SKIL: variants seen among roughly 807,000 people sequenced by gnomAD.
SKIL encodes SKI like proto-oncogene, also known as ski-like protein.
A neutral mutation model predicts 69.6 loss-of-function variants in SKIL; 20 were observed. The observed-to-expected ratio is 0.29, with a 90% confidence interval of 0.20 to 0.42. The LOEUF (loss-of-function observed/expected upper bound fraction) is 0.42, where lower values mean the gene tolerates loss of function less well. Ranked by LOEUF, SKIL falls within the 10% of genes least tolerant of loss-of-function variation. The pLI is 1.00. For missense variants in SKIL, 745 were observed against 783.1 expected, an observed-to-expected ratio of 0.95 and a Z score of 0.58; for synonymous variants, 310 against 279.9, an observed-to-expected ratio of 1.11 and a Z score of -1.08.
chr3:170,376,042 CTTTTTTTTTTTTTT>C (rs869036195), intron 2 of SKIL, among the ~76,000 whole-genome samples: 66 of 89,142 alleles, frequency 7.4e-4, no homozygotes, highest in African/African-American at 2.8e-3. Flanking sequence ...GCTGATTTTC[CTTTTTTTTTTTTTT>C]TTTTTTTTTG....
At chr3:170,363,201 G>T (rs1379366044) in intron 2 of SKIL, among the ~76,000 whole-genome samples, 1 of 152,080 alleles carries the variant, frequency 6.6e-6, no homozygotes. Flanking sequence ...CAGAAGAAAT[G>T]AATAAAGCAT....
chr3:170,358,722 G>A (rs1736066121), intron 1 of SKIL: 2 of 152,270 alleles, frequency 1.3e-5, no homozygotes, highest in Non-Finnish European at 2.9e-5. Context: ...AGAAGGAAGT[G>A]GAAAAAGAGT....
intron 2 of SKIL, among the ~76,000 whole-genome samples, chr3:170,371,407 T>C (rs2108902655): frequency 6.6e-6 from 1 of 152,248 alleles, no homozygotes; most frequent in East Asian, 1.9e-4. Flanking sequence ...CTTGGGAGGC[T>C]GAGGCAGGAG....
In SKIL at chr3:170,361,343, A is replaced by T. The variant is rs770304241; in HGVS notation, c.1012A>T (p.Thr338Ser). 6.2e-7 allele frequency: 1 copy of T among 1,611,932 alleles called. No homozygotes were observed. Among genetic ancestry groups the T allele is most frequent in the Non-Finnish European group, 8.5e-7 (1 of 1,179,318 alleles). ...TCATGTGAACCAAAAATACTTAGGAACACCTGAAGAAAAGAAACTGAAGAT... is the reference window on the plus strand; with the variant it reads ...TCATGTGAACCAAAAATACTTAGGATCACCTGAAGAAAAGAAACTGAAGAT... ...YLHVNQKYLG[T>S]PEEKKLKIIL... is the part of the protein sequence containing the mutation. Residue 338 changes from threonine (T) to serine (S), a missense_variant, in exon 2 of 7, where the codon ACA becomes TCA. Transcript: ENST00000259119.
rs537371626 is a variant in SKIL at position 170,360,549 on chromosome 3, G to C, written c.218G>C (p.Cys73Ser). Residue 73 changes from cysteine to serine, a missense_variant, in exon 2 of 7, where the codon TGT becomes TCT. Coordinates refer to ENST00000259119, the MANE Select transcript of SKIL (RefSeq NM_005414.5). ...GATGGAGAGCATGTTAAGCGAACCT[G>C]TACTTCTGTTCCTGAAACTTTGCAT... is the stretch of plus-strand genomic sequence containing the variant. ...ETDGEHVKRT[C>S]TSVPETLHLN... 2 of 1,614,218 alleles carry C rather than the reference G, an allele frequency of 1.2e-6. No individual in the cohort carries two copies. The highest frequency in any genetic ancestry group is 2.2e-5 in the South Asian group (2 of 91,090).
chr3:170,378,583 G>C lies in SKIL; in HGVS notation c.1099-2661G>C, dbSNP rs144467084. ...TTTTTTTTTTTGGAGACAAAGTCTTGCTCTGTCACCCAGGTTGGAGTGCAG... is the reference window on the plus strand; with the variant it reads ...TTTTTTTTTTTGGAGACAAAGTCTTCCTCTGTCACCCAGGTTGGAGTGCAG... On this transcript the variant is annotated intron_variant, in intron 2 of 6. Transcript: ENST00000259119. Among the ~76,000 whole-genome samples, 21 of 79,532 alleles carry C rather than the reference G, an allele frequency of 2.6e-4. 1 individual carries two copies. The highest frequency in any genetic ancestry group is 8.7e-4 in the African/African-American group (21 of 24,116). 52.2% of individuals were successfully genotyped at this position (79,532 alleles called of 152,430 possible). A position where few individuals can be genotyped will look rare whatever the true frequency, so the allele number is the denominator to read the frequency against.
In SKIL at chr3:170,375,871, G is replaced by A. The variant is rs558940631; in HGVS notation, c.1099-5373G>A. 7.2e-5 allele frequency among the ~76,000 whole-genome samples: 11 copies of A among 151,730 alleles called. No individual in the cohort carries two copies. In the South Asian group the frequency reaches 2.3e-3, roughly 32 times the overall value. ...CCGGGGCTATAGGTGTGAGCCACTG[G>A]GTAGGGCCAATTTTAGTAGTTTTAA... is the stretch of plus-strand genomic sequence containing the variant. On this transcript the variant is annotated intron_variant, in intron 2 of 6. Coordinates refer to ENST00000259119, the MANE Select transcript of SKIL (RefSeq NM_005414.5).
In SKIL at chr3:170,365,752, CTT is replaced by C. The variant is rs59222162; in HGVS notation, c.1098+4343_1098+4344del. ...GCTCATTTTAAAAAGTCAAACTAGG[CTT>C]TTTTTTTTTTTTTTTTTTTGAGATG... On this transcript the variant is annotated intron_variant, in intron 2 of 6. Transcript: ENST00000259119. 2.0e-4 allele frequency among the ~76,000 whole-genome samples: 21 copies of C among 106,446 alleles called. No homozygotes were observed. The East Asian group carries it at 2.5e-3, about 13-fold the overall frequency. 69.8% of individuals were successfully genotyped at this position (106,446 alleles called of 152,430 possible).
intron 2 of SKIL, among the ~76,000 whole-genome samples, chr3:170,368,380 T>A (rs1736646608): frequency 6.6e-6 from 1 of 152,228 alleles, no homozygotes. Flanking sequence ...AAGCCTGGCA[T>A]GTCAAAGGCA....
At position 170,393,130 on chromosome 3, in the gene SKIL, A is replaced by G. The variant is rs1289854630; in HGVS notation, c.*713A>G. 6.6e-6 allele frequency: 1 copy of G among 152,056 alleles called. No individual in the cohort carries two copies. The highest frequency in any genetic ancestry group is 1.9e-4 in the East Asian group (1 of 5,202). 9.4% of individuals were successfully genotyped at this position (152,056 alleles called of 1,614,324 possible). A position where few individuals can be genotyped will look rare whatever the true frequency, so the allele number is the denominator to read the frequency against. On this transcript the variant is annotated 3_prime_UTR_variant, in exon 7 of 7. Transcript: ENST00000259119. ...TAGTTAGATTTTTTTTTAAGCAGCAACTTTTCAAAAATAAAATGTGATAAT... is the reference window on the plus strand; with the variant it reads ...TAGTTAGATTTTTTTTTAAGCAGCAGCTTTTCAAAAATAAAATGTGATAAT...
chr3:170,358,589 G>C (rs1736059815), intron 1 of SKIL: 1 of 152,620 alleles, frequency 6.6e-6, no homozygotes. Context: ...TGTGGTGGAC[G>C]AAAGTCTGTA....
At chr3:170,374,369 T>C (rs1461202392) in intron 2 of SKIL, among the ~76,000 whole-genome samples, 1 of 152,074 alleles carries the variant, frequency 6.6e-6, no homozygotes, top group African/African-American at 2.4e-5. Context: ...ATGGGGAAAT[T>C]GGGTGATAAG....
intron 4 of SKIL, among the ~76,000 whole-genome samples, chr3:170,386,568 C>A (rs894005277): frequency 6.6e-6 from 1 of 152,136 alleles, no homozygotes; most frequent in Admixed American, 6.5e-5. Flanking sequence ...TTGCTGGGCT[C>A]ATAGTCCTTG....
intron 2 of SKIL, among the ~76,000 whole-genome samples, chr3:170,366,842 A>G (rs1253563265): frequency 6.6e-6 from 1 of 152,206 alleles, no homozygotes; most frequent in Non-Finnish European, 1.5e-5. Flanking sequence ...ATACATGCAA[A>G]CATCACATTC....
At chr3:170,384,432 G>GAA in intron 3 of SKIL, 101 bp from the exon 4 acceptor site, 6 of 539,604 alleles carry the variant, frequency 1.1e-5, no homozygotes, top group Admixed American at 3.3e-5. Context: ...GTTTTGGTTA[G>GAA]AAAAAAAAAA....
chr3:170,360,659 C>A lies in SKIL; in HGVS notation c.328C>A (p.Arg110=). ...GGGTGGACCAGCAGCATTTTCTGCT[C>A]GGCATTCCCAAGAAAGCATGTCGCC... ...SLGGPAAFSA[R]HSQESMSPTV... Residue 110 remains arginine, a synonymous_variant, in exon 2 of 7, where the codon CGG becomes AGG. Transcript: ENST00000259119. 1 of 1,614,168 alleles carries A rather than the reference C, an allele frequency of 6.2e-7. No homozygotes were observed. Among genetic ancestry groups the A allele is most frequent in the Admixed American group, 1.7e-5 (1 of 60,022 alleles).
intron 2 of SKIL, among the ~76,000 whole-genome samples, chr3:170,374,906 A>G (rs541446239): frequency 1.3e-5 from 2 of 152,302 alleles, no homozygotes; most frequent in South Asian, 2.1e-4. Context: ...GAGTAGAGGG[A>G]TATCAAACGT....
chr3:170,391,276 T>G lies in SKIL; in HGVS notation c.1896+16T>G. The G allele has an allele frequency of 7.4e-7, 1 of 1,343,950 alleles. No individual in the cohort carries two copies. The highest frequency in any genetic ancestry group is 1.0e-6 in the Non-Finnish European group (1 of 953,942). The allele number at this position is 1,343,950 out of a possible 1,614,324, so 83.3% of individuals were successfully genotyped here. On this transcript the variant is annotated intron_variant, in intron 6 of 6. Transcript: ENST00000259119. Reference sequence around the variant, plus strand: ...TGCAGGACAGGTAAGAATTACTGTTTGTATAATGGTGCCCTTTCAGCATGG... The same window carrying G: ...TGCAGGACAGGTAAGAATTACTGTTGGTATAATGGTGCCCTTTCAGCATGG...
Position 170,385,281 on chromosome 3 carries a change from A to G in SKIL, c.1429+516A>G, listed in dbSNP as rs1232644178. Among the ~76,000 whole-genome samples, 13 of 136,662 alleles carry G rather than the reference A, an allele frequency of 9.5e-5. 1 individual carries two copies. Among genetic ancestry groups the G allele is most frequent in the South Asian group, 4.6e-4 (2 of 4,312 alleles). 89.7% of individuals were successfully genotyped at this position (136,662 alleles called of 152,430 possible). ...AATTTTTTTTTTTTTTTTTGTAGAG[A>G]TGGTCTTGGTATGTTGCTCAAGCTG... On this transcript the variant is annotated intron_variant, in intron 4 of 6. Transcript: ENST00000259119.
Sources: gnomAD v4.1 joint callset for allele counts (sites outside exome capture counted in the v4.1 genomes callset) on GRCh38, gnomAD v4.1.1 for gene constraint, MANE v1.5 for transcripts, NCBI Gene and HGNC (gene_info 2026-07-23, HGNC 2026-07-21) for gene names.